PLXNA2: variants seen among roughly 807,000 people sequenced by gnomAD.
PLXNA2 encodes the protein plexin-A2.
PLXNA2 carries 91 observed loss-of-function variants against 193.5 expected under a neutral mutation model. That is an observed-to-expected ratio of 0.47 (90% confidence interval 0.40 to 0.56). PLXNA2 has a LOEUF of 0.56. PLXNA2 is among the 20% of genes least tolerant of loss of function. The probability of loss-of-function intolerance (pLI) is 0.00; values close to 1 mark genes in which losing one functional copy is unlikely to be tolerated. For missense variants in PLXNA2, 1,995 were observed against 2,503.2 expected (o/e 0.80, Z 4.33); for synonymous variants, 997 against 1,027.3 (o/e 0.97, Z 0.56).
At chr1:208,073,801 G>C (rs1383972716) in intron 12 of PLXNA2, among the ~76,000 whole-genome samples, 2 of 152,020 alleles carry the variant, frequency 1.3e-5, no homozygotes, top group Non-Finnish European at 2.9e-5. Flanking sequence ...CACACACACA[G>C]AGATAGAATG....
intron 4 of PLXNA2, among the ~76,000 whole-genome samples, chr1:208,120,818 G>C (rs1325174171): frequency 6.6e-6 from 1 of 152,170 alleles, no homozygotes. Flanking sequence ...ATGTCTGTGA[G>C]GGGAGGTCAG....
intron 20 of PLXNA2, among the ~76,000 whole-genome samples, chr1:208,043,536 T>C (rs918833749): frequency 1.3e-5 from 2 of 152,216 alleles, no homozygotes; most frequent in Non-Finnish European, 2.9e-5. Context: ...TGAGAGACCA[T>C]GGCTGAGGGG....
intron 3 of PLXNA2, among the ~76,000 whole-genome samples, chr1:208,184,081 G>T (rs1461218813): frequency 6.6e-6 from 1 of 152,138 alleles, no homozygotes; most frequent in East Asian, 1.9e-4. Flanking sequence ...TGTTATCTTG[G>T]ACAGTGCTGT....
chr1:208,083,074 G>A (rs546538612), intron 10 of PLXNA2, among the ~76,000 whole-genome samples: 1 of 152,166 alleles, frequency 6.6e-6, no homozygotes, highest in Admixed American at 6.5e-5. Flanking sequence ...TTGTAAGGCC[G>A]AGAGTCTCAT....
At chr1:208,054,682 T>C (rs1474098097) in intron 13 of PLXNA2, 144 bp from the exon 14 acceptor site, 2 of 658,362 alleles carry the variant, frequency 3.0e-6, no homozygotes, top group Non-Finnish European at 5.5e-6. Context: ...CATCTTGCTG[T>C]GTGACCTTGG....
intron 3 of PLXNA2, among the ~76,000 whole-genome samples, chr1:208,203,479 A>G (rs1403286544): frequency 6.6e-6 from 1 of 152,166 alleles, no homozygotes; most frequent in Non-Finnish European, 1.5e-5. Context: ...TTACTCAATC[A>G]AGGGTTCATA....
intron 4 of PLXNA2, among the ~76,000 whole-genome samples, chr1:208,135,824 T>C (rs1455808644): frequency 2.0e-5 from 3 of 152,168 alleles, no homozygotes; most frequent in African/African-American, 4.8e-5. Context: ...TTAATGTGTG[T>C]TCATGGACCA....
intron 3 of PLXNA2, among the ~76,000 whole-genome samples, chr1:208,208,787 G>A (rs894089109): frequency 1.3e-5 from 2 of 152,310 alleles, no homozygotes; most frequent in African/African-American, 4.8e-5. Context: ...TTATACCACA[G>A]GGTACATGAT....
intron 1 of PLXNA2, among the ~76,000 whole-genome samples, chr1:208,237,679 C>G (rs1020373715): frequency 1.4e-4 from 22 of 152,180 alleles, no homozygotes; most frequent in African/African-American, 5.1e-4. Context: ...ACCTCTGAGT[C>G]TCTCCTGGAA....
At chr1:208,212,512 CAGGA>C (rs1670995651) in intron 2 of PLXNA2, among the ~76,000 whole-genome samples, 1 of 152,180 alleles carries the variant, frequency 6.6e-6, no homozygotes, top group Admixed American at 6.5e-5. Flanking sequence ...ATGAGTTTCT[CAGGA>C]AGGGAGTGAA....
At chr1:208,202,844 A>T (rs919145941) in intron 3 of PLXNA2, among the ~76,000 whole-genome samples, 2 of 152,168 alleles carry the variant, frequency 1.3e-5, no homozygotes, top group Non-Finnish European at 2.9e-5. Flanking sequence ...CAACCTTAAG[A>T]CTGCAAAACA....
At chr1:208,198,096 T>C (rs1239205887) in intron 3 of PLXNA2, among the ~76,000 whole-genome samples, 2 of 152,150 alleles carry the variant, frequency 1.3e-5, no homozygotes, top group Non-Finnish European at 2.9e-5. Context: ...ATTTAATTCA[T>C]AGCAATGATT....
At chr1:208,124,258 A>G (rs1485831749) in intron 4 of PLXNA2, among the ~76,000 whole-genome samples, 5 of 152,182 alleles carry the variant, frequency 3.3e-5, no homozygotes, top group Admixed American at 2.6e-4. Context: ...AGAAAAAACA[A>G]CTATTGGGTA....
Position 208,098,914 on chromosome 1 carries a change from T to C in PLXNA2, c.1663A>G (p.Ser555Gly). 6.2e-7 allele frequency: 1 copy of C among 1,613,872 alleles called. No individual in the cohort carries two copies. ...GCAAGGCTCACACACTGGCTGATGC[T>C]GGCAGCAAATCGATTAGGTTCCCAG... is the stretch of plus-strand genomic sequence containing the variant. ...QAWEPNRFAA[S>G]ISQCVSLAVH... The change falls in exon 6 of 32, where the codon AGC becomes GGC. Residue 555 changes from serine (S) to glycine (G), a missense_variant. By Grantham distance (56) the Ser-to-Gly change is moderately conservative. This residue lies in a region of PLXNA2 where 702 missense variants were observed against 812.9 expected (regional missense o/e 0.86). Transcript: ENST00000367033.
chr1:208,067,844 C>A (rs577422721), intron 12 of PLXNA2, among the ~76,000 whole-genome samples: 1 of 152,200 alleles, frequency 6.6e-6, no homozygotes, highest in African/African-American at 2.4e-5. Context: ...GCTGGGAGAG[C>A]TCAAGGGCCC....
At chr1:208,102,150 A>G (rs1426357731) in intron 5 of PLXNA2, among the ~76,000 whole-genome samples, 1 of 152,226 alleles carries the variant, frequency 6.6e-6, no homozygotes, top group Non-Finnish European at 1.5e-5. Flanking sequence ...AATCCAGTCC[A>G]GATTTTGCAT....
In PLXNA2 at chr1:208,141,270, T is replaced by TC. The variant is rs538467927; in HGVS notation, c.1506+1058dup. Reference sequence around the variant, plus strand: ...TCCTTACTTCTTCGCTCATCCCTCATCCCCTGATTCAGACTCCTTTTAAAT... The same window carrying TC: ...TCCTTACTTCTTCGCTCATCCCTCATCCCCCTGATTCAGACTCCTTTTAAAT... On this transcript the variant is annotated intron_variant, in intron 4 of 31. Transcript: ENST00000367033. Among the ~76,000 whole-genome samples, 159 of 152,260 alleles carry TC rather than the reference T, an allele frequency of 1.0e-3. 5 individuals are homozygous for TC. The South Asian group carries it at 0.032, about 30-fold the overall frequency.
At chr1:208,186,720 T>TTTTTTGTTTTTTG (rs1558234684) in intron 3 of PLXNA2, among the ~76,000 whole-genome samples, 2 of 66,404 alleles carry the variant, frequency 3.0e-5, no homozygotes, top group African/African-American at 1.2e-4. Context: ...TTTATTTTTT[T>TTTTTTGTTTTTTG]TTTTTTTTTT....
At chr1:208,167,297 C>T (rs980614292) in intron 3 of PLXNA2, among the ~76,000 whole-genome samples, 3 of 152,146 alleles carry the variant, frequency 2.0e-5, no homozygotes, top group South Asian at 2.1e-4. Flanking sequence ...CTCTCCCACA[C>T]CCCCCTCACA....
Sources: gnomAD v4.1 joint callset for allele counts (sites outside exome capture counted in the v4.1 genomes callset) on GRCh38, gnomAD v4.1.1 for gene constraint, gnomAD v4.1.1 regional missense constraint, MANE v1.5 for transcripts, NCBI Gene and HGNC (gene_info 2026-07-23, HGNC 2026-07-21) for gene names.